The following LY96 variants were observed in gnomAD, a reference collection of about 807,000 sequenced individuals.
LY96 encodes myeloid differentiation protein-2.
In LY96, 18 loss-of-function variants were observed where a neutral mutation model predicts 18.9. The observed-to-expected ratio is 0.95, with a 90% confidence interval of 0.66 to 1.41. The LOEUF is 1.41. Among genes scored for constraint, LY96 ranks in the 40% most tolerant of loss-of-function variants. LY96 has a pLI of 0.00. For missense variants in LY96, 175 were observed against 182.4 expected, an observed-to-expected ratio of 0.96 and a Z score of 0.23; for synonymous variants, 66 against 62.6, an observed-to-expected ratio of 1.06 and a Z score of -0.26.
chr8:73,995,240 C>T (rs1229737397), intron 1 of LY96, among the ~76,000 whole-genome samples: 1 of 152,186 alleles, frequency 6.6e-6, no homozygotes, highest in Non-Finnish European at 1.5e-5. Flanking sequence ...GCCTCCGGAA[C>T]TGTGAGAAAT....
chr8:74,097,704 TCAAA>T, the LY96 span, among the ~76,000 whole-genome samples: 1 of 150,242 alleles, frequency 6.7e-6, no homozygotes, highest in African/African-American at 2.5e-5. Context: ...AGACTCTGTC[TCAAA>T]TAAATAAATA....
the LY96 span, among the ~76,000 whole-genome samples, chr8:74,087,018 C>A: frequency 6.6e-6 from 1 of 152,346 alleles, no homozygotes; most frequent in African/African-American, 2.4e-5. Flanking sequence ...CTTTCAAATT[C>A]TCCCTTCTTG....
At chr8:74,017,237 C>T (rs1158856902) in intron 3 of LY96, among the ~76,000 whole-genome samples, 8 of 152,002 alleles carry the variant, frequency 5.3e-5, no homozygotes, top group African/African-American at 1.2e-4. Context: ...AAGCGTGGCA[C>T]GAGAACTACA....
the LY96 span, among the ~76,000 whole-genome samples, chr8:74,071,297 G>C: frequency 6.6e-5 from 10 of 151,190 alleles, no homozygotes; most frequent in African/African-American, 1.5e-4. Flanking sequence ...GAAGAAACAG[G>C]GTTAGAAGAA....
At chr8:74,028,164 A>G (rs901219925) in intron 4 of LY96, among the ~76,000 whole-genome samples, 2 of 152,176 alleles carry the variant, frequency 1.3e-5, no homozygotes, top group Non-Finnish European at 1.5e-5. Flanking sequence ...CAGTACTGAA[A>G]CAGTTGTTAG....
At chr8:74,092,761 C>T in the LY96 span, among the ~76,000 whole-genome samples, 598 of 152,226 alleles carry the variant, frequency 3.9e-3, 8 homozygotes, top group African/African-American at 7.3e-3. Flanking sequence ...GAATTCATCC[C>T]GTGCCACTCT....
In LY96 at chr8:74,005,094, A is replaced by G. The variant is rs118153590; in HGVS notation, c.202+209A>G. On this transcript the variant is annotated intron_variant, in intron 2 of 4. Transcript: ENST00000284818. Reference sequence around the variant, plus strand: ...GCATAGCTTACCTGTGTCTGCTTCAAGGTCTCCCATAAGGCTACAATCAAG... The same window carrying G: ...GCATAGCTTACCTGTGTCTGCTTCAGGGTCTCCCATAAGGCTACAATCAAG... Among the ~76,000 whole-genome samples the G allele has an allele frequency of 5.9e-3, 902 of 152,318 alleles. 2 individuals are homozygous for G. The highest frequency in any genetic ancestry group is 7.7e-3 in the Non-Finnish European group (523 of 68,028).
At chr8:74,078,904 T>TTC in the LY96 span, among the ~76,000 whole-genome samples, 6,295 of 152,100 alleles carry the variant, frequency 0.041, 407 homozygotes, top group African/African-American at 0.14. Flanking sequence ...CCTAAGGGCT[T>TTC]TCTCTCTCTC....
At chr8:74,094,059 G>T in the LY96 span, among the ~76,000 whole-genome samples, 1 of 151,982 alleles carries the variant, frequency 6.6e-6, no homozygotes, top group African/African-American at 2.4e-5. Flanking sequence ...CACAGTTTGG[G>T]GAGTAGTCCA....
chr8:74,039,041 T>C, the LY96 span, among the ~76,000 whole-genome samples: 5 of 152,344 alleles, frequency 3.3e-5, no homozygotes, highest in East Asian at 9.6e-4. Flanking sequence ...CCAGCATTTG[T>C]TATTGCCTGA....
intron 1 of LY96, among the ~76,000 whole-genome samples, chr8:74,000,565 G>A (rs1319136458): frequency 2.0e-5 from 3 of 152,100 alleles, no homozygotes; most frequent in African/African-American, 7.2e-5. Context: ...CTCTGTTCAT[G>A]GCAATATGGA....
chr8:74,067,263 G>T, the LY96 span, among the ~76,000 whole-genome samples: 3 of 152,084 alleles, frequency 2.0e-5, no homozygotes, highest in Non-Finnish European at 4.4e-5. Context: ...ACAGAGTCTT[G>T]CTCTGTCACT....
the LY96 span, among the ~76,000 whole-genome samples, chr8:74,047,300 G>A: frequency 6.6e-6 from 1 of 152,120 alleles, no homozygotes; most frequent in Non-Finnish European, 1.5e-5. Flanking sequence ...ATGCTTTCTG[G>A]CACAGTAGCA....
intron 2 of LY96, among the ~76,000 whole-genome samples, chr8:74,008,934 G>A (rs529265570): frequency 6.6e-6 from 1 of 152,312 alleles, no homozygotes; most frequent in Non-Finnish European, 1.5e-5. Context: ...CAACACCAAA[G>A]AAGGTTTAGG....
rs377004173 is a variant in LY96, at chr8:73,997,955, C to T, written c.112+6401C>T. On this transcript the variant is annotated intron_variant, in intron 1 of 4. Transcript: ENST00000284818. ...AACCCAGAAGCTCTCCTAAACCTGT[C>T]GTCCAGAAATTTTTATGGGGTGTTC... is the stretch of plus-strand genomic sequence containing the variant. Among the ~76,000 whole-genome samples the T allele has an allele frequency of 4.2e-4, 64 of 152,288 alleles. 1 individual carries two copies. The South Asian group carries it at 0.012, about 30-fold the overall frequency.
intron 3 of LY96, among the ~76,000 whole-genome samples, chr8:74,014,812 T>TACACAC (rs111566455): frequency 0.027 from 3,895 of 144,718 alleles, 98 homozygotes; most frequent in African/African-American, 0.062. Flanking sequence ...CTCACCAGTT[T>TACACAC]ACACACACAC....
At chr8:74,006,834 G>A (rs1378928585) in intron 2 of LY96, among the ~76,000 whole-genome samples, 1 of 152,286 alleles carries the variant, frequency 6.6e-6, no homozygotes, top group East Asian at 1.9e-4. Flanking sequence ...CAGGAAACAG[G>A]TTGTATCTTT....
chr8:74,092,359 G>A, the LY96 span, among the ~76,000 whole-genome samples: 2 of 152,164 alleles, frequency 1.3e-5, no homozygotes, highest in Admixed American at 1.3e-4. Flanking sequence ...ATGGCTTTAG[G>A]GAGAAAGGGT....
At chr8:74,014,300 C>G (rs1816593285) in intron 3 of LY96, among the ~76,000 whole-genome samples, 1 of 149,406 alleles carries the variant, frequency 6.7e-6, no homozygotes, top group Non-Finnish European at 1.5e-5. Context: ...TTTAGTCCAG[C>G]TACTTGGGAC....
Sources: gnomAD v4.1 joint callset for allele counts (sites outside exome capture counted in the v4.1 genomes callset) on GRCh38, gnomAD v4.1.1 for gene constraint, MANE v1.5 for transcripts, NCBI Gene and HGNC (gene_info 2026-07-23, HGNC 2026-07-21) for gene names.